Variants in LOXHD1 observed in about 807,000 individuals in gnomAD.
LOXHD1 encodes the protein lipoxygenase homology domain-containing protein 1.
Under a neutral mutation model 248.2 loss-of-function variants are expected in LOXHD1, and 205 were observed. The observed-to-expected ratio is 0.83, with a 90% CI of 0.74 to 0.93. LOXHD1 has a LOEUF of 0.93. Among genes scored for constraint, LOXHD1 ranks in the 40% least tolerant of loss-of-function variants. The pLI, the probability that LOXHD1 is intolerant of heterozygous loss-of-function variation, is 0.00. For synonymous variants in LOXHD1, 1,113 were observed against 1,162.8 expected, an observed-to-expected ratio of 0.96 and a Z score of 0.87; for missense variants, 2,930 against 2,971.6, an observed-to-expected ratio of 0.99 and a Z score of 0.33.
Position 46,560,281 on chromosome 18 carries a change from C to G in LOXHD1, c.2863G>C (p.Glu955Gln), listed in dbSNP as rs548893604. Residue 955 changes from glutamate (E) to glutamine (Q), a missense_variant, in exon 19 of 41, where the codon GAG becomes CAG. Physicochemically the swap from Glu to Gln is conservative, Grantham distance 29. Coordinates refer to ENST00000642948, the MANE Select transcript of LOXHD1 (RefSeq NM_001384474.1). ...GSDEEDEGEE[E>Q]ESSSSEESSS... ...GACTCCTCTGATGAGGACGACTCCT[C>G]TTCCTCCCCCTCGTCCTCTTCGTCG... 1.6e-4 allele frequency: 249 copies of G among 1,551,962 alleles called. 3 individuals carry two copies. The Middle Eastern group carries it at 0.012, about 76-fold the overall frequency.
Position 46,569,545 on chromosome 18 carries a change from T to C in LOXHD1, c.2141A>G (p.Asp714Gly). 3 of 1,551,908 alleles carry C rather than the reference T, an allele frequency of 1.9e-6. No homozygotes were observed. Among genetic ancestry groups the C allele is most frequent in the Non-Finnish European group, 2.6e-6 (3 of 1,147,036 alleles). Residue 714 changes from aspartate to glycine, a missense_variant, in exon 16 of 41, where the codon GAC (aspartate) becomes GGC (glycine). By Grantham distance (94) the Asp-to-Gly change is moderately conservative. Coordinates refer to ENST00000642948, the MANE Select transcript of LOXHD1 (RefSeq NM_001384474.1). ...VYIKLYGDKS[D>G]TIKQVLLVSD... ...GACAAGAAGAACTTGCTTGATGGTGTCAGATTTATCCCCATAGAGCTTGAT... is the reference window on the plus strand; with the variant it reads ...GACAAGAAGAACTTGCTTGATGGTGCCAGATTTATCCCCATAGAGCTTGAT...
intron 2 of LOXHD1, among the ~76,000 whole-genome samples, chr18:46,644,490 G>A (rs779759620): frequency 1.3e-5 from 2 of 152,200 alleles, no homozygotes; most frequent in African/African-American, 2.4e-5. Context: ...GGCCAAGGCA[G>A]GAGAATCATT....
chr18:46,638,973 T>C (rs1241234233), intron 4 of LOXHD1, among the ~76,000 whole-genome samples: 1 of 152,186 alleles, frequency 6.6e-6, no homozygotes, highest in African/African-American at 2.4e-5. Flanking sequence ...GCCGGCAATG[T>C]AATGCCCCCC....
At chr18:46,653,429 A>G (rs2039138257) in intron 1 of LOXHD1, among the ~76,000 whole-genome samples, 1 of 152,238 alleles carries the variant, frequency 6.6e-6, no homozygotes, top group African/African-American at 2.4e-5. Flanking sequence ...TTTGTTCTGT[A>G]TATACAATAT....
rs760097400 is a variant in LOXHD1, at chr18:46,521,107, A to G, written c.5261T>C (p.Ile1754Thr). Residue 1754 changes from isoleucine (I) to threonine (T), a missense_variant, in exon 33 of 41, where the codon ATT becomes ACT. Transcript: ENST00000642948. ...CAGTGCCCCCCCTACCTTCACCCCA[A>G]TGTTCACCACCATGGCATCCAAGAG... ...FDLLDAMVVN[I>T]GVKVLYEMTV... 18 of 1,551,334 alleles carry G rather than the reference A, an allele frequency of 1.2e-5. No individual in the cohort carries two copies. The South Asian group carries it at 1.3e-4, about 11-fold the overall frequency.
chr18:46,560,048 T>TGCGGGG, intron 19 of LOXHD1, 35 bp downstream of exon 19: 1 of 1,226,296 alleles, frequency 8.2e-7, no homozygotes, highest in Non-Finnish European at 1.1e-6. Context: ...GTCTGGCCAC[T>TGCGGGG]CCCTCCCCAC....
chr18:46,590,624 C>G (rs1323076904), intron 12 of LOXHD1, among the ~76,000 whole-genome samples: 1 of 152,080 alleles, frequency 6.6e-6, no homozygotes, highest in Non-Finnish European at 1.5e-5. Context: ...TATATTAAGT[C>G]CCAATTTTGG....
chr18:46,591,952 T>C lies in LOXHD1; in HGVS notation c.1635A>G (p.Thr545=), dbSNP rs1304665727. 1.3e-6 allele frequency: 2 copies of C among 1,551,884 alleles called. No individual in the cohort carries two copies. The highest frequency in any genetic ancestry group is 1.7e-6 in the Non-Finnish European group (2 of 1,146,994). Residue 545 remains threonine (T), a synonymous_variant, in exon 12 of 41, where the codon ACA becomes ACG. Transcript: ENST00000642948. The part of the protein sequence containing the change: ...IVREMTAEGP[T]VRRIMGMARY... Reference sequence around the variant, plus strand: ...ACTTACTGCCCATGATCCTGCGCACTGTTGGGCCTTCTGCAGTCATTTCCC... The same window carrying C: ...ACTTACTGCCCATGATCCTGCGCACCGTTGGGCCTTCTGCAGTCATTTCCC...
chr18:46,532,951 C>T (rs1211407978), intron 28 of LOXHD1, among the ~76,000 whole-genome samples: 2 of 152,222 alleles, frequency 1.3e-5, no homozygotes, highest in Non-Finnish European at 2.9e-5. Context: ...ACAGCTGAGA[C>T]TTTGAAGACT....
intron 21 of LOXHD1, among the ~76,000 whole-genome samples, chr18:46,549,742 A>G (rs1050292124): frequency 6.6e-6 from 1 of 152,250 alleles, no homozygotes; most frequent in African/African-American, 2.4e-5. Context: ...CCCACCCAAC[A>G]TATTTGCCAC....
At chr18:46,596,719 G>A (rs1242753317) in intron 8 of LOXHD1, among the ~76,000 whole-genome samples, 3 of 152,142 alleles carry the variant, frequency 2.0e-5, no homozygotes, top group African/African-American at 7.2e-5. Context: ...TAGACATATT[G>A]AGGAGAAGCA....
At chr18:46,547,186 T>C in intron 21 of LOXHD1, 128 bp from the exon 22 acceptor site, 3 of 1,063,620 alleles carry the variant, frequency 2.8e-6, no homozygotes, top group Non-Finnish European at 4.1e-6. Flanking sequence ...CCTGACAGCA[T>C]TGCCCTGCTA....
chr18:46,491,625 G>A (rs185033480), intron 37 of LOXHD1, among the ~76,000 whole-genome samples: 163 of 152,326 alleles, frequency 1.1e-3, no homozygotes, highest in Middle Eastern at 3.4e-3. Context: ...ATTACCTGGA[G>A]ACGTGGGCCA....
intron 2 of LOXHD1, among the ~76,000 whole-genome samples, chr18:46,647,030 T>C (rs767388611): frequency 5.3e-5 from 8 of 152,202 alleles, no homozygotes; most frequent in East Asian, 3.8e-4. Context: ...ACCAGCTGGA[T>C]TGGGGCCCTG....
chr18:46,638,558 A>C (rs2038921800), intron 4 of LOXHD1, among the ~76,000 whole-genome samples: 2 of 152,192 alleles, frequency 1.3e-5, no homozygotes, highest in Non-Finnish European at 2.9e-5. Flanking sequence ...ACTTGAACCC[A>C]GGAGGCAGAG....
intron 1 of LOXHD1, among the ~76,000 whole-genome samples, chr18:46,656,391 A>T (rs1169639132): frequency 6.6e-6 from 1 of 152,208 alleles, no homozygotes; most frequent in Non-Finnish European, 1.5e-5. Flanking sequence ...CTAGAAGGAC[A>T]AGGCCCTGGG....
chr18:46,569,676 T>A (rs1351574438), intron 15 of LOXHD1, 38 bp from the exon 16 acceptor site: 1 of 1,514,892 alleles, frequency 6.6e-7, no homozygotes, highest in East Asian at 2.5e-5. Context: ...GGGAAGGGGT[T>A]AGTGCAGGGG....
intron 13 of LOXHD1, 46 bp from the exon 14 acceptor site, chr18:46,577,913 G>A: frequency 1.3e-6 from 2 of 1,545,226 alleles, no homozygotes; most frequent in Non-Finnish European, 1.8e-6. Flanking sequence ...GGCTACCCCA[G>A]GACCCAAACA....
chr18:46,591,992 TCATCCTCATTGG>T lies in LOXHD1; in HGVS notation c.1583_1594del (p.Ala528_Asp531del). On this transcript the variant is annotated inframe_deletion, in exon 12 of 41. Transcript: ENST00000642948. ...AGTCATTTCCCTCACTATCTCATTG[TCATCCTCATTGG>T]CATCCAGCCAGCGGTTGCAATTGAA... 1 of 1,552,192 alleles carries T rather than the reference TCATCCTCATTGG, an allele frequency of 6.4e-7. No homozygotes were observed. The highest frequency in any genetic ancestry group is 8.7e-7 in the Non-Finnish European group (1 of 1,147,090).
Sources: allele counts gnomAD v4.1 joint callset (sites outside exome capture counted in the v4.1 genomes callset), GRCh38; gene constraint gnomAD v4.1.1; transcripts MANE v1.5; gene names NCBI Gene and HGNC (gene_info 2026-07-23, HGNC 2026-07-21).